TG: variants seen among roughly 807,000 people sequenced by gnomAD.
The protein encoded by TG is thyroid hormones.
A neutral mutation model predicts 324.7 loss-of-function variants in TG; 270 were observed. The ratio of observed to expected loss-of-function variants is 0.83; its 90% CI spans 0.75 to 0.92. The LOEUF (loss-of-function observed/expected upper bound fraction) is 0.92, where lower values mean the gene tolerates loss of function less well. Among genes scored for constraint, TG ranks in the 40% least tolerant of loss-of-function variants. TG has a pLI of 0.00. For missense variants in TG, 3,591 were observed against 3,456.4 expected (o/e 1.04, Z -0.98); for synonymous variants, 1,401 against 1,327.0 (o/e 1.06, Z -1.21).
At chr8:133,116,936 A>G (rs1850746420) in intron 45 of TG, among the ~76,000 whole-genome samples, 1 of 152,208 alleles carries the variant, frequency 6.6e-6, no homozygotes, top group African/African-American at 2.4e-5. Context: ...GACACACTTT[A>G]GAACTGCAAT....
chr8:132,914,914 C>T (rs372474516), intron 20 of TG, among the ~76,000 whole-genome samples: 18 of 152,110 alleles, frequency 1.2e-4, no homozygotes, highest in Admixed American at 3.3e-4. Flanking sequence ...TTGGCTTCAA[C>T]GCCAGATGCT....
chr8:132,911,243 C>T, intron 18 of TG, 134 bp from the exon 19 acceptor site: 1 of 1,501,840 alleles, frequency 6.7e-7, no homozygotes, highest in Non-Finnish European at 9.1e-7. Context: ...GTCACTATTC[C>T]TTGACCCCCT....
Position 132,871,526 on chromosome 8 carries a change from C to T in TG, c.453C>T (p.Thr151=), listed in dbSNP as rs200679738. Residue 151 remains threonine, a synonymous_variant, in exon 4 of 48, where the codon ACC becomes ACT. Coordinates refer to ENST00000220616, the MANE Select transcript of TG (RefSeq NM_003235.5). ...VDAEGMEVYG[T]RQLGRPKRCP... is the part of the protein sequence containing the mutation. ...CAGAGGGGATGGAGGTGTATGGGACCCGCCAGCTGGGGAGGCCAAAGCGAT... is the reference window on the plus strand; with the variant it reads ...CAGAGGGGATGGAGGTGTATGGGACTCGCCAGCTGGGGAGGCCAAAGCGAT... The T allele has an allele frequency of 6.2e-7, 1 of 1,613,928 alleles. No homozygotes were observed. The highest frequency in any genetic ancestry group is 2.2e-5 in the East Asian group (1 of 44,866).
chr8:132,882,767 C>A, intron 7 of TG, 47 bp from the exon 8 acceptor site: 6 of 1,611,956 alleles, frequency 3.7e-6, no homozygotes, highest in Non-Finnish European at 4.2e-6. Flanking sequence ...TGTGAAGACA[C>A]CAAGCATTGT....
At chr8:132,884,382 G>A (rs183896973) in intron 8 of TG, among the ~76,000 whole-genome samples, 29 of 152,328 alleles carry the variant, frequency 1.9e-4, no homozygotes, top group African/African-American at 6.5e-4. Flanking sequence ...AGAACCAGGA[G>A]CATTCCTAGG....
chr8:132,961,829 C>T (rs2130354653), intron 28 of TG, among the ~76,000 whole-genome samples: 1 of 152,258 alleles, frequency 6.6e-6, no homozygotes, highest in East Asian at 1.9e-4. Flanking sequence ...CGCTGATCTT[C>T]AGTGTCCCAA....
intron 27 of TG, among the ~76,000 whole-genome samples, chr8:132,949,901 G>A (rs1310347987): frequency 6.6e-6 from 1 of 152,154 alleles, no homozygotes; most frequent in East Asian, 1.9e-4. Context: ...AAAAGTGAAT[G>A]CCCACTCTGT....
chr8:132,999,787 T>C (rs1833272430), intron 35 of TG, among the ~76,000 whole-genome samples: 1 of 152,200 alleles, frequency 6.6e-6, no homozygotes, highest in South Asian at 2.1e-4. Context: ...TTAGAAGATA[T>C]TTACTATCTT....
In TG at chr8:133,128,337, GCACACACACACACACA is replaced by G. The variant is rs59451880; in HGVS notation, c.7863-3444_7863-3429del. ...ATCCTGAAACTGAAACAAAAGGCGT[GCACACACACACACACA>G]CACACACACACACACACACACACAC... On this transcript the variant is annotated intron_variant, in intron 45 of 47. Coordinates refer to ENST00000220616, the MANE Select transcript of TG (RefSeq NM_003235.5). 7.5e-4 allele frequency among the ~76,000 whole-genome samples: 100 copies of G among 133,804 alleles called. 2 individuals are homozygous for G. The highest frequency in any genetic ancestry group is 9.5e-4 in the East Asian group (4 of 4,210). 87.8% of individuals were successfully genotyped at this position (133,804 alleles called of 152,430 possible).
chr8:132,996,224 A>G lies in TG; in HGVS notation c.6262+12812A>G, dbSNP rs543063741. Among the ~76,000 whole-genome samples, 3 of 152,360 alleles carry G rather than the reference A, an allele frequency of 2.0e-5. 1 individual carries two copies. The South Asian group carries it at 6.2e-4, about 32-fold the overall frequency. ...CTTGCAGTGTAAATGAAAGTGTTTT[A>G]TAAACTAGAACACACCACGTAGAGG... is the stretch of plus-strand genomic sequence containing the variant. On this transcript the variant is annotated intron_variant, in intron 35 of 47. Coordinates refer to ENST00000220616, the MANE Select transcript of TG (RefSeq NM_003235.5).
At chr8:132,991,559 T>A (rs924137148) in intron 35 of TG, among the ~76,000 whole-genome samples, 2 of 152,252 alleles carry the variant, frequency 1.3e-5, no homozygotes, top group African/African-American at 4.8e-5. Context: ...ACAAGCCATT[T>A]TGAGGGAGCT....
intron 18 of TG, among the ~76,000 whole-genome samples, chr8:132,909,190 C>T (rs1021486411): frequency 6.6e-6 from 1 of 151,980 alleles, no homozygotes; most frequent in African/African-American, 2.4e-5. Flanking sequence ...TTGAGGGGTT[C>T]AAGGTAGGAG....
intron 46 of TG, 100 bp downstream of exon 46, chr8:133,132,046 C>T (rs1851984865): frequency 6.5e-7 from 1 of 1,548,880 alleles, no homozygotes; most frequent in Non-Finnish European, 8.9e-7. Context: ...TAGACTCATC[C>T]TTTCCTCCGT....
intron 41 of TG, among the ~76,000 whole-genome samples, chr8:133,076,312 C>T (rs1844854408): frequency 6.6e-6 from 1 of 152,218 alleles, no homozygotes. Flanking sequence ...GAGGCTGACA[C>T]AGCCACCCTG....
intron 44 of TG, 140 bp downstream of exon 44, chr8:133,113,743 A>G: frequency 2.0e-6 from 2 of 998,420 alleles, no homozygotes; most frequent in South Asian, 3.1e-5. Flanking sequence ...TTCAGCCTAC[A>G]GCATGGGGAG....
intron 34 of TG, among the ~76,000 whole-genome samples, chr8:132,974,776 C>T (rs981923418): frequency 1.3e-5 from 2 of 152,136 alleles, no homozygotes; most frequent in South Asian, 2.1e-4. Context: ...ATAGCCATAT[C>T]CAACATGAAA....
In TG at chr8:133,116,750, T is replaced by G. The variant is rs201035613; in HGVS notation, c.7862+34T>G. The G allele has an allele frequency of 1.6e-5, 25 of 1,572,882 alleles. No individual in the cohort carries two copies. The African/African-American group carries it at 3.1e-4, about 20-fold the overall frequency. The stretch of plus-strand genomic sequence containing the variant: ...CTGCAGGGAAGCAGAGAAAGGAAGG[T>G]AAAACCGAATGATAAGTCCCAGTTC... On this transcript the variant is annotated intron_variant, in intron 45 of 47. Transcript: ENST00000220616.
At chr8:133,046,345 G>A (rs1839389777) in intron 41 of TG, 1 of 152,266 alleles carries the variant, frequency 6.6e-6, no homozygotes, top group Non-Finnish European at 1.5e-5. Flanking sequence ...CAGAGGCCTA[G>A]AGCCCCTATG....
rs886873052 is a variant in TG at position 132,983,357 on chromosome 8, A to C, written c.6207A>C (p.Gln2069His). Residue 2069 changes from glutamine (Q) to histidine (H), a missense_variant, in exon 35 of 48, where the codon CAA becomes CAC. Coordinates refer to ENST00000220616, the MANE Select transcript of TG (RefSeq NM_003235.5). The part of the protein sequence containing the change: ...PFGWYQKPIA[Q>H]NNAPSFCPLV... ...CTGCTTTTTCCTTTTCAGTTGCTCA[A>C]AATAATGCTCCCAGTTTTTGCCCTT... 5 of 1,614,020 alleles carry C rather than the reference A, an allele frequency of 3.1e-6. No homozygotes were observed. The highest frequency in any genetic ancestry group is 4.2e-6 in the Non-Finnish European group (5 of 1,180,004).
Sources: gnomAD v4.1 joint callset for allele counts (sites outside exome capture counted in the v4.1 genomes callset) on GRCh38, gnomAD v4.1.1 for gene constraint, MANE v1.5 for transcripts, NCBI Gene and HGNC (gene_info 2026-07-23, HGNC 2026-07-21) for gene names.